DAO: variants seen among roughly 807,000 people sequenced by gnomAD.
DAO encodes the protein D-amino-acid oxidase.
Under a neutral mutation model 50.1 loss-of-function variants are expected in DAO, and 51 were observed. That is an observed-to-expected ratio of 1.02 (90% CI 0.81 to 1.29). The LOEUF is 1.29. DAO is among the 50% of genes most tolerant of loss of function. DAO has a pLI of 0.00. For synonymous variants in DAO, 160 were observed against 166.2 expected, an observed-to-expected ratio of 0.96 and a Z score of 0.29; for missense variants, 436 against 439.4, an observed-to-expected ratio of 0.99 and a Z score of 0.07.
intron 1 of DAO, chr12:108,883,806 A>C (rs957611284): frequency 2.9e-6 from 1 of 347,216 alleles, no homozygotes; most frequent in African/African-American, 2.1e-5. Flanking sequence ...TTCTATCTCC[A>C]ACTTGGCTTC....
chr12:108,900,105 T>C, intron 10 of DAO: 1 of 395,798 alleles, frequency 2.5e-6, no homozygotes. Context: ...CTGGGGTGAA[T>C]TAAGAGGTGA....
At chr12:108,892,900 G>T in intron 5 of DAO, 82 bp from the exon 6 acceptor site, 1 of 1,296,420 alleles carries the variant, frequency 7.7e-7, no homozygotes. Context: ...AGGTTGTTTG[G>T]GAAAGGTCCC....
chr12:108,890,952 G>T (rs1209346168), intron 5 of DAO, among the ~76,000 whole-genome samples: 3 of 152,066 alleles, frequency 2.0e-5, no homozygotes, highest in Non-Finnish European at 4.4e-5. Context: ...CTGAGTAGCT[G>T]CGACTACAGG....
intron 4 of DAO, 121 bp downstream of exon 4, chr12:108,889,666 C>A: frequency 1.3e-6 from 1 of 768,388 alleles, no homozygotes; most frequent in South Asian, 1.4e-5. Flanking sequence ...GTACCCTGGT[C>A]TCCTGGTCCT....
chr12:108,899,560 T>A, intron 10 of DAO, 85 bp downstream of exon 10: 1 of 1,184,872 alleles, frequency 8.4e-7, no homozygotes, highest in Admixed American at 1.9e-5. Context: ...ATGTCTGATC[T>A]CAAGTTCCAC....
At position 108,899,487 on chromosome 12, in the gene DAO, T is replaced by C. The variant is rs1374277471; in HGVS notation, c.912+12T>C. On this transcript the variant is annotated intron_variant, in intron 10 of 10. Coordinates refer to ENST00000228476, the MANE Select transcript of DAO (RefSeq NM_001917.5). ...CTTCAAACACAGAGGTATGCTCCCA[T>C]GGCAAGGAAAGTAATGCCCTCTTCC... The C allele has an allele frequency of 6.2e-7, 1 of 1,609,666 alleles. No individual in the cohort carries two copies. The highest frequency in any genetic ancestry group is 8.5e-7 in the Non-Finnish European group (1 of 1,177,154).
intron 3 of DAO, among the ~76,000 whole-genome samples, chr12:108,889,011 C>A: frequency 6.6e-6 from 1 of 152,214 alleles, no homozygotes; most frequent in East Asian, 1.9e-4. Context: ...AGCATCCACC[C>A]CAATGGCTTC....
chr12:108,897,126 C>T, intron 8 of DAO, 38 bp downstream of exon 8: 2 of 1,444,288 alleles, frequency 1.4e-6, no homozygotes, highest in Non-Finnish European at 1.9e-6. Context: ...GAGTGGTCCC[C>T]TTCATGCCCT....
intron 5 of DAO, among the ~76,000 whole-genome samples, chr12:108,892,205 C>G (rs1232713620): frequency 6.9e-6 from 1 of 144,330 alleles, no homozygotes; most frequent in African/African-American, 2.6e-5. Flanking sequence ...CTCTGTCACC[C>G]AGGCTGGAGA....
intron 1 of DAO, among the ~76,000 whole-genome samples, chr12:108,881,332 G>A (rs920358480): frequency 6.6e-6 from 1 of 151,976 alleles, no homozygotes; most frequent in South Asian, 2.1e-4. Context: ...ATGTCCAACC[G>A]AATAACTGAG....
intron 7 of DAO, among the ~76,000 whole-genome samples, chr12:108,895,281 A>G (rs923391964): frequency 7.0e-6 from 1 of 143,802 alleles, no homozygotes; most frequent in Non-Finnish European, 1.5e-5. Context: ...GTGTGTGTGT[A>G]TGTAAGGGTA....
At chr12:108,887,420 G>T in intron 2 of DAO, 30 bp from the exon 3 acceptor site, 2 of 1,545,770 alleles carry the variant, frequency 1.3e-6, no homozygotes, top group East Asian at 2.2e-5. Flanking sequence ...TCAGGGCATT[G>T]GGTGATCGAA....
Position 108,898,781 on chromosome 12 carries a change from G to A in DAO, c.798G>A (p.Leu266=). The change falls in exon 9 of 11, where the codon CTG becomes CTA. Residue 266 remains leucine, a synonymous_variant. Transcript: ENST00000228476. ...HNTIWEGCCR[L]EPTLKNARII... The stretch of plus-strand genomic sequence containing the variant: ...CCATTTGGGAAGGCTGCTGCAGACT[G>A]GAGCCCACACTGAAGGTAAGGTAGG... 3 of 1,613,386 alleles carry A rather than the reference G, an allele frequency of 1.9e-6. No homozygotes were observed. The highest frequency in any genetic ancestry group is 2.5e-6 in the Non-Finnish European group (3 of 1,179,354).
At chr12:108,888,816 C>A (rs1052975702) in intron 3 of DAO, among the ~76,000 whole-genome samples, 2 of 152,122 alleles carry the variant, frequency 1.3e-5, no homozygotes, top group African/African-American at 2.4e-5. Context: ...TCTGACTTTT[C>A]CCCTATAACT....
chr12:108,899,852 A>C (rs1180522068), intron 10 of DAO: 1 of 338,546 alleles, frequency 3.0e-6, no homozygotes, highest in African/African-American at 2.1e-5. Context: ...TAACTGTCTC[A>C]TTGGCAATAT....
rs1312996893 is a variant in DAO, at chr12:108,900,919, G to A, written c.*384G>A. 3.3e-5 allele frequency: 9 copies of A among 273,692 alleles called. No homozygotes were observed. In the Admixed American group the frequency reaches 4.6e-4, roughly 14 times the overall value. 17.0% of individuals were successfully genotyped at this position (273,692 alleles called of 1,614,324 possible). A position where few individuals can be genotyped will look rare whatever the true frequency, so the allele number is the denominator to read the frequency against. The stretch of plus-strand genomic sequence containing the variant: ...CATATTAAAGGTTCTGAAAAGTCCT[G>A]CAGCAAAGACAACTATCTGATGTTG... On this transcript the variant is annotated 3_prime_UTR_variant, in exon 11 of 11. Transcript: ENST00000228476.
At chr12:108,886,825 G>C (rs78475383) in intron 2 of DAO, among the ~76,000 whole-genome samples, 2 of 67,892 alleles carry the variant, frequency 2.9e-5, no homozygotes, top group Non-Finnish European at 4.9e-5. Context: ...GCAGTGATTC[G>C]GGGCCCAGGC....
intron 1 of DAO, among the ~76,000 whole-genome samples, chr12:108,880,590 A>G (rs1335443749): frequency 6.7e-6 from 1 of 148,498 alleles, no homozygotes; most frequent in African/African-American, 2.6e-5. Flanking sequence ...TGGTTCTCAA[A>G]CTTTTATAGC....
chr12:108,899,572 C>G (rs1423961764), intron 10 of DAO, 97 bp downstream of exon 10: 3 of 1,057,228 alleles, frequency 2.8e-6, no homozygotes, highest in Non-Finnish European at 4.3e-6. Context: ...AAGTTCCACA[C>G]AGGCTCCATA....
Sources: gnomAD v4.1 joint callset for allele counts (sites outside exome capture counted in the v4.1 genomes callset) on GRCh38, gnomAD v4.1.1 for gene constraint, MANE v1.5 for transcripts, NCBI Gene and HGNC (gene_info 2026-07-23, HGNC 2026-07-21) for gene names.